Variants in CPS1 observed in about 807,000 individuals in gnomAD.
CPS1 encodes carbamoyl-phosphate synthase 1.
A neutral mutation model predicts 174.6 loss-of-function variants in CPS1; 109 were observed. That is an observed-to-expected ratio of 0.62 (90% CI 0.53 to 0.73). CPS1 has a LOEUF of 0.73. Ranked by LOEUF, CPS1 falls within the 30% of genes least tolerant of loss-of-function variation. CPS1 has a pLI of 0.00. For synonymous variants in CPS1, 637 were observed against 632.0 expected (o/e 1.01, Z -0.12); for missense variants, 1,689 against 1,821.9 (o/e 0.93, Z 1.33).
At chr2:210,545,695 T>G (rs965157252) in intron 1 of CPS1, among the ~76,000 whole-genome samples, 1 of 152,132 alleles carries the variant, frequency 6.6e-6, no homozygotes, top group Non-Finnish European at 1.5e-5. Flanking sequence ...ATTTCACAAT[T>G]TATACCTTGT....
intron 1 of CPS1, among the ~76,000 whole-genome samples, chr2:210,521,391 C>G (rs1028529286): frequency 6.6e-6 from 1 of 150,938 alleles, no homozygotes; most frequent in Non-Finnish European, 1.5e-5. Flanking sequence ...TATAATATTC[C>G]TTGGTGTAGT....
At chr2:210,502,547 A>G (rs1268781293) in intron 1 of CPS1, among the ~76,000 whole-genome samples, 2 of 150,440 alleles carry the variant, frequency 1.3e-5, no homozygotes, top group African/African-American at 2.4e-5. Flanking sequence ...ATATAATGTT[A>G]AAAAGCATCT....
At chr2:210,620,605 G>A (rs1033507630) in intron 21 of CPS1, among the ~76,000 whole-genome samples, 2 of 152,016 alleles carry the variant, frequency 1.3e-5, no homozygotes, top group African/African-American at 4.8e-5. Flanking sequence ...TACAATCATG[G>A]CGGAAGGCAA....
intron 7 of CPS1, 96 bp from the exon 8 acceptor site, chr2:210,590,010 C>G (rs1225702976): frequency 3.9e-6 from 6 of 1,530,238 alleles, no homozygotes; most frequent in African/African-American, 1.4e-5. Context: ...TTTTCCTTCC[C>G]TTTAAGGAAT....
intron 1 of CPS1, among the ~76,000 whole-genome samples, chr2:210,489,549 A>G (rs1559732543): frequency 1.3e-5 from 2 of 152,158 alleles, no homozygotes; most frequent in African/African-American, 4.8e-5. Flanking sequence ...CCTGGCACAT[A>G]CACCTGCTAG....
chr2:210,659,633 C>T (rs1700848880), intron 31 of CPS1, among the ~76,000 whole-genome samples: 1 of 152,128 alleles, frequency 6.6e-6, no homozygotes, highest in Non-Finnish European at 1.5e-5. Context: ...TTACCTCCTA[C>T]TCGCAGTCAT....
At chr2:210,594,053 C>T (rs1295306854) in intron 11 of CPS1, among the ~76,000 whole-genome samples, 1 of 151,666 alleles carries the variant, frequency 6.6e-6, no homozygotes, top group East Asian at 1.9e-4. Context: ...TCTAGTGAAA[C>T]AACAGAAGTA....
At chr2:210,525,479 A>G (rs890537061) in intron 1 of CPS1, among the ~76,000 whole-genome samples, 1 of 151,704 alleles carries the variant, frequency 6.6e-6, no homozygotes, top group Non-Finnish European at 1.5e-5. Context: ...TAAATTTTTC[A>G]TGTCTTCCAG....
chr2:210,556,439 A>G, upstream of CPS1: 1 of 672,936 alleles, frequency 1.5e-6, no homozygotes, highest in Non-Finnish European at 2.5e-6. Context: ...CTGGTTTTCT[A>G]CAACCCCAGC....
chr2:210,608,304 G>T, intron 18 of CPS1, 57 bp from the exon 19 acceptor site: 2 of 1,509,738 alleles, frequency 1.3e-6, no homozygotes, highest in East Asian at 2.3e-5. Context: ...TTTATGTTTT[G>T]GTCTGTTTTC....
At chr2:210,650,193 CT>C (rs903745576) in intron 27 of CPS1, among the ~76,000 whole-genome samples, 169 bp from the exon 28 acceptor site, 16 of 152,324 alleles carry the variant, frequency 1.1e-4, no homozygotes, top group African/African-American at 3.4e-4. Context: ...CAGTTTTATA[CT>C]TTGGTTGATT....
chr2:210,503,263 A>G (rs1695194795), intron 1 of CPS1, among the ~76,000 whole-genome samples: 1 of 152,104 alleles, frequency 6.6e-6, no homozygotes, highest in African/African-American at 2.4e-5. Flanking sequence ...CCTGTGCAAT[A>G]TACTTGAGAC....
chr2:210,662,384 A>G (rs745615888), intron 32 of CPS1, among the ~76,000 whole-genome samples: 16 of 152,222 alleles, frequency 1.1e-4, no homozygotes, highest in Non-Finnish European at 2.2e-4. Context: ...CTTGACCAAG[A>G]TGATCCAGTG....
intron 18 of CPS1, 115 bp downstream of exon 18, chr2:210,607,056 T>A: frequency 4.4e-6 from 4 of 918,140 alleles, no homozygotes; most frequent in Non-Finnish European, 6.7e-6. Context: ...TTTTTCTGTA[T>A]GTTAGCTCCA....
chr2:210,505,816 T>G (rs1305117926), intron 1 of CPS1, among the ~76,000 whole-genome samples: 2 of 152,142 alleles, frequency 1.3e-5, no homozygotes, highest in Non-Finnish European at 2.9e-5. Context: ...GAGATCAAAC[T>G]GCAAGGTGGC....
intron 25 of CPS1, among the ~76,000 whole-genome samples, chr2:210,643,839 T>C (rs549865418): frequency 3.3e-5 from 5 of 152,174 alleles, no homozygotes; most frequent in African/African-American, 1.2e-4. Context: ...CTCCTTAATA[T>C]TCATTTGAGA....
rs1376614988 is a variant in CPS1 at position 210,612,199 on chromosome 2, C to T, written c.2474C>T (p.Pro825Leu). The change falls in exon 20 of 38, where the codon CCC (proline) becomes CTC (leucine). Residue 825 changes from proline to leucine, a missense_variant. By Grantham distance (98) the Pro-to-Leu change is moderately conservative. Coordinates refer to ENST00000233072, the MANE Select transcript of CPS1 (RefSeq NM_001875.5). ...MCHPSIEGFT[P>L]RLPMNKEWPS... ...CACCCATCTATAGAAGGTTTCACTCCCCGTCTCCCAATGAACAAAGAATGG... is the reference window on the plus strand; with the variant it reads ...CACCCATCTATAGAAGGTTTCACTCTCCGTCTCCCAATGAACAAAGAATGG... 2 of 1,612,118 alleles carry T rather than the reference C, an allele frequency of 1.2e-6. No individual in the cohort carries two copies.
At chr2:210,648,117 T>A in intron 26 of CPS1, 60 bp downstream of exon 26, 1 of 1,512,390 alleles carries the variant, frequency 6.6e-7, no homozygotes, top group Non-Finnish European at 9.2e-7. Flanking sequence ...GCAACCTGAA[T>A]GTTGACTGAA....
Position 210,602,141 on chromosome 2 carries a change from G to A in CPS1, c.1708-61G>A, listed in dbSNP as rs145528580. On this transcript the variant is annotated intron_variant, in intron 15 of 37. Transcript: ENST00000233072. Reference sequence around the variant, plus strand: ...TACCTGATTGCCAGACTCTCTTGGTGTGGTCTGTTCTGCCAGTGTGCTCAG... The same window carrying A: ...TACCTGATTGCCAGACTCTCTTGGTATGGTCTGTTCTGCCAGTGTGCTCAG... 922 of 1,602,034 alleles carry A rather than the reference G, an allele frequency of 5.8e-4. 9 individuals carry two copies. In the East Asian group the frequency reaches 0.02, roughly 34 times the overall value.
Sources: gnomAD v4.1 joint callset for allele counts (sites outside exome capture counted in the v4.1 genomes callset) on GRCh38, gnomAD v4.1.1 for gene constraint, MANE v1.5 for transcripts, NCBI Gene and HGNC (gene_info 2026-07-23, HGNC 2026-07-21) for gene names.